Variants in NLGN4X observed in about 807,000 individuals in gnomAD.
NLGN4X encodes neuroligin 4 X-linked, also known as neuroligin-4, X-linked.
In NLGN4X, 3 loss-of-function variants were observed where a neutral mutation model predicts 40.3. The ratio of observed to expected loss-of-function variants is 0.07; its 90% CI spans 0.03 to 0.19. NLGN4X has a LOEUF of 0.19. NLGN4X is among the 10% of genes least tolerant of loss of function. NLGN4X has a pLI of 1.00. For synonymous variants in NLGN4X, 270 were observed against 306.8 expected (o/e 0.88, Z 1.25); for missense variants, 382 against 708.3 (o/e 0.54, Z 5.23).
intron 2 of NLGN4X, among the ~76,000 whole-genome samples, chrX:6,140,429 G>A (rs1217615659): frequency 2.0e-5 from 2 of 102,431 alleles, no homozygotes; most frequent in Admixed American, 1.1e-4. Context: ...TTCTCCTACC[G>A]GGTTTCCTTC....
intron 1 of NLGN4X, among the ~76,000 whole-genome samples, chrX:6,199,141 G>A (rs377083828): frequency 2.1e-4 from 23 of 111,616 alleles, no homozygotes; most frequent in African/African-American, 7.5e-4. Context: ...GGATATTTCC[G>A]GATGTGAATA....
chrX:6,135,101 C>T (rs189945840), intron 2 of NLGN4X, among the ~76,000 whole-genome samples: 1 of 112,040 alleles, frequency 8.9e-6, no homozygotes, highest in Admixed American at 9.5e-5. Flanking sequence ...TCCTAAACAG[C>T]CTCATTCATT....
intron 2 of NLGN4X, among the ~76,000 whole-genome samples, chrX:6,047,541 G>C (rs1404183788): frequency 8.9e-6 from 1 of 111,903 alleles, no homozygotes; most frequent in African/African-American, 3.2e-5. Context: ...TATCTGAAAG[G>C]AATCAGACGC....
chrX:5,949,832 G>T (rs893320804), intron 3 of NLGN4X, among the ~76,000 whole-genome samples: 2 of 111,496 alleles, frequency 1.8e-5, no homozygotes, highest in East Asian at 5.7e-4. Context: ...AAAAAGGGAG[G>T]CATAGTGTAT....
At chrX:6,174,057 CAAACA>C (rs775276612) in intron 1 of NLGN4X, among the ~76,000 whole-genome samples, 9 of 110,194 alleles carry the variant, frequency 8.2e-5, no homozygotes, top group African/African-American at 1.7e-4. Flanking sequence ...GACTCTGTCT[CAAACA>C]AAACAAAACA....
intron 3 of NLGN4X, chrX:5,991,557 G>A (rs1227711929): frequency 2.0e-6 from 1 of 498,996 alleles, no homozygotes; most frequent in Non-Finnish European, 3.7e-6. Flanking sequence ...GTGAGGGCCT[G>A]ACATTCTCTT....
At chrX:6,030,288 G>A (rs2036817647) in intron 2 of NLGN4X, among the ~76,000 whole-genome samples, 1 of 110,574 alleles carries the variant, frequency 9.0e-6, no homozygotes, top group South Asian at 3.9e-4. Flanking sequence ...CCATCTGTAG[G>A]GCCTGCTTTG....
chrX:6,145,574 C>T (rs931833883), intron 2 of NLGN4X, among the ~76,000 whole-genome samples: 3 of 112,242 alleles, frequency 2.7e-5, no homozygotes, highest in Non-Finnish European at 3.8e-5. Flanking sequence ...TTGACTAATG[C>T]AGAATGCCAG....
intron 2 of NLGN4X, among the ~76,000 whole-genome samples, chrX:6,062,334 G>A (rs1457399829): frequency 9.0e-6 from 1 of 111,429 alleles, no homozygotes; most frequent in East Asian, 2.9e-4. Flanking sequence ...TTCTTATCTT[G>A]ACTCTTACAT....
chrX:6,182,185 T>C (rs1351769866), intron 1 of NLGN4X, among the ~76,000 whole-genome samples: 1 of 111,759 alleles, frequency 8.9e-6, no homozygotes, highest in Admixed American at 9.5e-5. Flanking sequence ...AAAGGGAACT[T>C]AGGGCCAAAT....
At chrX:6,094,396 G>T (rs1468199863) in intron 2 of NLGN4X, among the ~76,000 whole-genome samples, 1 of 110,395 alleles carries the variant, frequency 9.1e-6, no homozygotes, top group Admixed American at 9.6e-5. Flanking sequence ...GTCCCAGCTG[G>T]GACCAGCTTC....
chrX:6,221,278 G>T (rs1468119959), intron 1 of NLGN4X, among the ~76,000 whole-genome samples: 3 of 102,443 alleles, frequency 2.9e-5, no homozygotes, highest in Non-Finnish European at 5.9e-5. Context: ...TTGTGGAGTT[G>T]GGGTCTCACT....
chrX:6,083,909 G>A (rs5916295), intron 2 of NLGN4X, among the ~76,000 whole-genome samples: 52,400 of 110,444 alleles, frequency 0.47, 9,041 homozygotes, highest in Admixed American at 0.52. Context: ...AGTGGCCTGA[G>A]CTGGAAATAA....
intron 3 of NLGN4X, among the ~76,000 whole-genome samples, chrX:6,018,071 C>T (rs2036436588): frequency 9.0e-6 from 1 of 110,980 alleles, no homozygotes; most frequent in Non-Finnish European, 1.9e-5. Flanking sequence ...TATATAGACA[C>T]ATATATATAC....
intron 2 of NLGN4X, among the ~76,000 whole-genome samples, chrX:6,044,287 T>A (rs1029620615): frequency 1.1e-4 from 12 of 110,950 alleles, no homozygotes; most frequent in African/African-American, 3.9e-4. Context: ...AACATAAGCA[T>A]AACTTAAGCA....
intron 2 of NLGN4X, among the ~76,000 whole-genome samples, chrX:6,100,331 G>A (rs1350683799): frequency 3.6e-5 from 4 of 112,503 alleles, no homozygotes; most frequent in African/African-American, 9.7e-5. Context: ...CAGTTTGGGG[G>A]CAAGTTTATG....
chrX:5,948,048 C>T (rs1340809527), intron 3 of NLGN4X, among the ~76,000 whole-genome samples: 2 of 110,750 alleles, frequency 1.8e-5, no homozygotes, highest in Non-Finnish European at 3.8e-5. Context: ...TTCCAAAAAA[C>T]GTTCAAGAGT....
chrX:5,919,420 T>A (rs1448551117), intron 3 of NLGN4X, among the ~76,000 whole-genome samples: 1 of 111,826 alleles, frequency 8.9e-6, no homozygotes. Flanking sequence ...TCCGTGTTAC[T>A]GCATAAGGTA....
intron 3 of NLGN4X, among the ~76,000 whole-genome samples, chrX:5,945,975 A>G (rs948919783): frequency 9.0e-6 from 1 of 111,714 alleles, no homozygotes; most frequent in African/African-American, 3.3e-5. Flanking sequence ...CCAAGGGTTT[A>G]TTTCTTCCAA....
Sources: gnomAD v4.1 joint callset for allele counts (sites outside exome capture counted in the v4.1 genomes callset) on GRCh38, gnomAD v4.1.1 for gene constraint, MANE v1.5 for transcripts, NCBI Gene and HGNC (gene_info 2026-07-23, HGNC 2026-07-21) for gene names.